YTHDC1: variants seen among roughly 807,000 people sequenced by gnomAD.
The protein encoded by YTHDC1 is YTH N6-methyladenosine RNA binding protein C1, also known as YTH domain-containing protein 1.
A neutral mutation model predicts 107.0 loss-of-function variants in YTHDC1; 12 were observed. The observed-to-expected ratio is 0.11, with a 90% CI of 0.07 to 0.18. The LOEUF is 0.18. Ranked by LOEUF, YTHDC1 falls within the 10% of genes least tolerant of loss-of-function variation. The probability of loss-of-function intolerance (pLI) is 1.00; values close to 1 mark genes in which losing one functional copy is unlikely to be tolerated. For synonymous variants in YTHDC1, 280 were observed against 289.5 expected, an observed-to-expected ratio of 0.97 and a Z score of 0.33; for missense variants, 635 against 898.8, an observed-to-expected ratio of 0.71 and a Z score of 3.75.
Position 68,322,583 on chromosome 4 carries a change from G to C in YTHDC1, c.1601+166C>G, listed in dbSNP as rs1722552149. ...CCTCTTGAAAAATGACTGAGACCAA[G>C]GTGACCATGTGAAATCCTCAATGAA... On this transcript the variant is annotated intron_variant, in intron 11 of 16. Coordinates refer to ENST00000344157, the MANE Select transcript of YTHDC1 (RefSeq NM_001031732.4). The surrounding 1 kb of genome is among the most constrained non-coding windows in gnomAD (Gnocchi z 4.8). The C allele has an allele frequency of 2.6e-6, 2 of 774,836 alleles. No individual in the cohort carries two copies. The highest frequency in any genetic ancestry group is 3.9e-6 in the Non-Finnish European group (2 of 510,508). 48.0% of individuals were successfully genotyped at this position (774,836 alleles called of 1,614,324 possible). A position where few individuals can be genotyped will look rare whatever the true frequency, so the allele number is the denominator to read the frequency against.
chr4:68,318,756 A>C, intron 13 of YTHDC1, 27 bp from the exon 14 acceptor site: 19 of 1,614,158 alleles, frequency 1.2e-5, no homozygotes, highest in Non-Finnish European at 1.6e-5. Context: ...TTGTGAAACT[A>C]AATTCAGGTA....
chr4:68,339,391 A>AAC (rs1270134601), intron 1 of YTHDC1, among the ~76,000 whole-genome samples: 1 of 152,250 alleles, frequency 6.6e-6, no homozygotes, highest in African/African-American at 2.4e-5. Context: ...ATGATAACTG[A>AAC]ACACAGCCCA....
chr4:68,325,870 G>C (rs1722936480), intron 9 of YTHDC1, among the ~76,000 whole-genome samples: 1 of 151,978 alleles, frequency 6.6e-6, no homozygotes, highest in African/African-American at 2.4e-5. Flanking sequence ...TTAAAAGCTT[G>C]GTTTCTTTTT....
chr4:68,327,445 T>A (rs2109704309), intron 9 of YTHDC1, among the ~76,000 whole-genome samples: 1 of 152,158 alleles, frequency 6.6e-6, no homozygotes, highest in African/African-American at 2.4e-5. Flanking sequence ...AGCTAAAACA[T>A]GACACTTATC....
chr4:68,337,916 T>C lies in YTHDC1; in HGVS notation c.131-16A>G, dbSNP rs956485764. On this transcript the variant is annotated splice_polypyrimidine_tract_variant and intron_variant, in intron 2 of 16. Transcript: ENST00000344157. ...CTTTTTGATCCTTTAAAATACAATG[T>C]AAAAAAAAAAAAAAGAAGTATTTGT... The C allele has an allele frequency of 3.4e-5, 47 of 1,398,410 alleles. 1 individual carries two copies. The highest frequency in any genetic ancestry group is 2.6e-4 in the East Asian group (11 of 41,806). 86.6% of individuals were successfully genotyped at this position (1,398,410 alleles called of 1,614,324 possible).
At chr4:68,334,860 T>G (rs1017554120) in intron 4 of YTHDC1, among the ~76,000 whole-genome samples, 11 of 151,974 alleles carry the variant, frequency 7.2e-5, no homozygotes, top group Admixed American at 5.2e-4. Context: ...CCTCTTTATA[T>G]AAAGACAAAA....
rs1361348147 is a variant in YTHDC1, at chr4:68,337,737, C to T, written c.294G>A (p.Glu98=). ...TGTTTCTTTCAGATCTTTGATATTC[C>T]TCATTTTTATACTCTGTGGCTGACT... ...KGKSATEYKN[E]EYQRSERNKR... Residue 98 remains glutamate, a synonymous_variant, in exon 3 of 17, where the codon GAG becomes GAA. Transcript: ENST00000344157. The T allele has an allele frequency of 1.2e-6, 2 of 1,613,962 alleles. No individual in the cohort carries two copies. Among genetic ancestry groups the T allele is most frequent in the Non-Finnish European group, 1.7e-6 (2 of 1,179,992 alleles).
chr4:68,316,751 T>C (rs963933095), intron 15 of YTHDC1, among the ~76,000 whole-genome samples: 2 of 152,248 alleles, frequency 1.3e-5, no homozygotes, highest in South Asian at 4.1e-4. Flanking sequence ...CATTTAATTC[T>C]CACAGCAACC....
In YTHDC1 at chr4:68,311,061, CAG is replaced by C. The variant is rs1194703411; in HGVS notation, c.*3036_*3037del. The C allele has an allele frequency of 6.6e-6, 1 of 152,086 alleles. No individual in the cohort carries two copies. The highest frequency in any genetic ancestry group is 1.5e-5 in the Non-Finnish European group (1 of 68,032). 9.4% of individuals were successfully genotyped at this position (152,086 alleles called of 1,614,324 possible). A position where few individuals can be genotyped will look rare whatever the true frequency, so the allele number is the denominator to read the frequency against. The stretch of plus-strand genomic sequence containing the variant: ...ACTGTCCTTCCTGATGTAATCCTCA[CAG>C]AGGTGACCATAACATGTGCCTCTCT... On this transcript the variant is annotated 3_prime_UTR_variant, in exon 17 of 17. Transcript: ENST00000344157.
chr4:68,320,058 T>C, intron 12 of YTHDC1, 65 bp downstream of exon 12: 1 of 1,417,720 alleles, frequency 7.1e-7, no homozygotes, highest in Non-Finnish European at 9.7e-7. Context: ...GAGGGTTGTT[T>C]TTAATTTTTT....
chr4:68,314,410 A>G (rs1721590897), intron 16 of YTHDC1, 87 bp from the exon 17 acceptor site: 3 of 1,128,976 alleles, frequency 2.7e-6, no homozygotes, highest in South Asian at 1.9e-5. Context: ...ATTTATATAA[A>G]CAATTTTAAA....
chr4:68,345,431 T>G (rs1413886829), intron 1 of YTHDC1, among the ~76,000 whole-genome samples: 1 of 152,168 alleles, frequency 6.6e-6, no homozygotes, highest in Non-Finnish European at 1.5e-5. Context: ...TTTAATATAA[T>G]TTTAGTGGGA....
rs1724466068 is a variant in YTHDC1 at position 68,338,429 on chromosome 4, G to A, written c.29-45C>T. 5 of 1,448,088 alleles carry A rather than the reference G, an allele frequency of 3.5e-6. No individual in the cohort carries two copies. The Admixed American group carries it at 1.1e-4, about 33-fold the overall frequency. The allele number at this position is 1,448,088 out of a possible 1,614,324, so 89.7% of individuals were successfully genotyped here. A position where few individuals can be genotyped will look rare whatever the true frequency, so the allele number is the denominator to read the frequency against. ...TTAATAGGGAAAAATCACTATCATT[G>A]AACATGTATTTTTGAGTACTTACTA... is the stretch of plus-strand genomic sequence containing the variant. On this transcript the variant is annotated intron_variant, in intron 1 of 16. Coordinates refer to ENST00000344157, the MANE Select transcript of YTHDC1 (RefSeq NM_001031732.4).
chr4:68,316,315 A>G lies in YTHDC1; in HGVS notation c.1958T>C (p.Val653Ala). The change falls in exon 16 of 17, where the codon GTA becomes GCA. Residue 653 changes from valine to alanine, a missense_variant and splice_region_variant. Val to Ala is a moderately conservative substitution (Grantham distance 64). Coordinates refer to ENST00000344157, the MANE Select transcript of YTHDC1 (RefSeq NM_001031732.4). ...PHEARYRDKR[V>A]HDYDMRVDDF... ...ACCTTTGCCTCCTTGTGCACTTACTACTCGTTTATCTCTGTATCTTGCTTC... is the reference window on the plus strand; with the variant it reads ...ACCTTTGCCTCCTTGTGCACTTACTGCTCGTTTATCTCTGTATCTTGCTTC... 2 of 1,610,456 alleles carry G rather than the reference A, an allele frequency of 1.2e-6. No individual in the cohort carries two copies. The highest frequency in any genetic ancestry group is 1.7e-6 in the Non-Finnish European group (2 of 1,178,354).
chr4:68,323,431 A>G (rs1490019331), intron 10 of YTHDC1, among the ~76,000 whole-genome samples: 4 of 152,314 alleles, frequency 2.6e-5, no homozygotes, highest in South Asian at 2.1e-4. Flanking sequence ...ATAAAATGTC[A>G]TATTACTTTT....
chr4:68,348,382 T>C (rs779085062), intron 1 of YTHDC1, among the ~76,000 whole-genome samples: 6 of 151,944 alleles, frequency 3.9e-5, no homozygotes, highest in Non-Finnish European at 5.9e-5. Flanking sequence ...ATTAAGATCA[T>C]GTATTTTAAT....
At position 68,337,077 on chromosome 4, in the gene YTHDC1, A is replaced by G. The variant is rs1344174237; in HGVS notation, c.833T>C (p.Val278Ala). Residue 278 changes from valine to alanine, a missense_variant, in exon 4 of 17, where the codon GTT becomes GCT. By Grantham distance (64) the Val-to-Ala change is moderately conservative. Around this residue, in one of 5 missense-constraint regions of YTHDC1, gnomAD observed 294 missense variants for 312.3 expected, o/e 0.94. Transcript: ENST00000344157. Reference protein sequence around the residue: ...SEASDSGSESVSFTDGSVRSG... With the variant: ...SEASDSGSESASFTDGSVRSG... ...TCTGACAGACCCATCTGTGAAGGAA[A>G]CAGATTCAGAACCAGAGTCACTGGC... 3 of 1,613,982 alleles carry G rather than the reference A, an allele frequency of 1.9e-6. No individual in the cohort carries two copies. The highest frequency in any genetic ancestry group is 1.3e-5 in the African/African-American group (1 of 75,048).
intron 1 of YTHDC1, among the ~76,000 whole-genome samples, chr4:68,340,154 A>T (rs1041444011): frequency 6.6e-6 from 1 of 152,166 alleles, no homozygotes; most frequent in Non-Finnish European, 1.5e-5. Context: ...GGGGCTATAA[A>T]CAGGTTAAAT....
In YTHDC1 at chr4:68,338,402, A is replaced by T. The variant is rs1724462901; in HGVS notation, c.29-18T>A. On this transcript the variant is annotated intron_variant, in intron 1 of 16. Coordinates refer to ENST00000344157, the MANE Select transcript of YTHDC1 (RefSeq NM_001031732.4). The stretch of plus-strand genomic sequence containing the variant: ...TTCTCCATCTGCAAATAAAATTAAA[A>T]ATTAATAGGGAAAAATCACTATCAT... 1 of 1,555,600 alleles carries T rather than the reference A, an allele frequency of 6.4e-7. No individual in the cohort carries two copies. The highest frequency in any genetic ancestry group is 8.7e-7 in the Non-Finnish European group (1 of 1,146,992).
Sources: allele counts gnomAD v4.1 joint callset (sites outside exome capture counted in the v4.1 genomes callset), GRCh38; gene constraint gnomAD v4.1.1; regional missense constraint gnomAD v4.1.1; non-coding constraint Gnocchi (gnomAD v3.1); transcripts MANE v1.5; gene names NCBI Gene and HGNC (gene_info 2026-07-23, HGNC 2026-07-21).